Variants in PDCD6IP observed in about 807,000 individuals in gnomAD.
PDCD6IP encodes programmed cell death 6 interacting protein.
PDCD6IP carries 43 observed loss-of-function variants against 103.7 expected under a neutral mutation model. The observed-to-expected ratio is 0.41, with a 90% CI of 0.32 to 0.53. The LOEUF (loss-of-function observed/expected upper bound fraction) is 0.53. PDCD6IP is among the 20% of genes least tolerant of loss of function. PDCD6IP has a pLI of 0.16. For missense variants in PDCD6IP, 871 were observed against 1,036.7 expected (o/e 0.84, Z 2.20); for synonymous variants, 354 against 378.7 (o/e 0.93, Z 0.76).
chr3:33,863,816 G>GT, intron 15 of PDCD6IP, 190 bp from the exon 16 acceptor site: 1 of 557,976 alleles, frequency 1.8e-6, no homozygotes. Context: ...TCTAGTTTTA[G>GT]TTTTTTGAGG....
At chr3:33,818,322 G>C (rs1410341133) in intron 3 of PDCD6IP, among the ~76,000 whole-genome samples, 2 of 150,350 alleles carry the variant, frequency 1.3e-5, no homozygotes, top group Non-Finnish European at 3.0e-5. Context: ...TGGCCAGGCT[G>C]GTCTCGAACT....
intron 15 of PDCD6IP, among the ~76,000 whole-genome samples, chr3:33,861,017 G>A (rs1167045312): frequency 6.6e-6 from 1 of 151,146 alleles, no homozygotes; most frequent in African/African-American, 2.4e-5. Context: ...AAAAAAACAG[G>A]TGAAATTAAT....
chr3:33,853,293 C>G (rs1250211500), intron 13 of PDCD6IP, among the ~76,000 whole-genome samples: 1 of 152,088 alleles, frequency 6.6e-6, no homozygotes, highest in Non-Finnish European at 1.5e-5. Flanking sequence ...AGATATTTTT[C>G]ATGGTTCCAA....
At position 33,800,076 on chromosome 3, in the gene PDCD6IP, C is replaced by T. The variant is rs547761962; in HGVS notation, c.209+1139C>T. ...CGGAGCTTGCAGTGAGCCGAGATCG[C>T]GCCACTGCACTCCAGCCTGGGCGAC... On this transcript the variant is annotated intron_variant, in intron 1 of 17. Transcript: ENST00000307296. Among the ~76,000 whole-genome samples, 58 of 140,768 alleles carry T rather than the reference C, an allele frequency of 4.1e-4. No individual in the cohort carries two copies. In the Middle Eastern group the frequency reaches 0.012, roughly 29 times the overall value. 92.3% of individuals were successfully genotyped at this position (140,768 alleles called of 152,430 possible). A position where few individuals can be genotyped will look rare whatever the true frequency, so the allele number is the denominator to read the frequency against.
chr3:33,824,085 CTT>C (rs1697056345), intron 4 of PDCD6IP, among the ~76,000 whole-genome samples: 1 of 152,114 alleles, frequency 6.6e-6, no homozygotes, highest in Non-Finnish European at 1.5e-5. Context: ...GACTCAGACA[CTT>C]TGCTGTTGTA....
chr3:33,813,749 C>G (rs1019442681), intron 3 of PDCD6IP, 121 bp downstream of exon 3: 5 of 638,892 alleles, frequency 7.8e-6, no homozygotes, highest in Non-Finnish European at 1.4e-5. Context: ...ACATTTCATT[C>G]TCTTTTTAGC....
intron 2 of PDCD6IP, 103 bp downstream of exon 2, chr3:33,812,229 A>T: frequency 7.0e-7 from 1 of 1,434,330 alleles, no homozygotes; most frequent in Non-Finnish European, 9.2e-7. Context: ...TGTTATAAAA[A>T]TAGGAGCTTT....
At chr3:33,829,484 C>T (rs199511880) in intron 7 of PDCD6IP, among the ~76,000 whole-genome samples, 1 of 149,956 alleles carries the variant, frequency 6.7e-6, no homozygotes, top group Non-Finnish European at 1.5e-5. Context: ...GATGTGTGTG[C>T]ATATATATAT....
At chr3:33,863,558 C>T (rs1697999350) in intron 15 of PDCD6IP, among the ~76,000 whole-genome samples, 1 of 152,146 alleles carries the variant, frequency 6.6e-6, no homozygotes, top group African/African-American at 2.4e-5. Context: ...TCATGATGGC[C>T]TCCAGTTCCA....
At position 33,802,575 on chromosome 3, in the gene PDCD6IP, C is replaced by T. The variant is rs546732084; in HGVS notation, c.209+3638C>T. Among the ~76,000 whole-genome samples, 292 of 151,832 alleles carry T rather than the reference C, an allele frequency of 1.9e-3. 1 individual carries two copies. Among genetic ancestry groups the T allele is most frequent in the Non-Finnish European group, 3.4e-3 (232 of 67,922 alleles). On this transcript the variant is annotated intron_variant, in intron 1 of 17. Transcript: ENST00000307296. ...CATGATCTCGGCTCACCACAACCTC[C>T]GCCTCTCGGGTTCAAACGATTCTCC...
At chr3:33,865,970 A>G (rs1283036376) in intron 17 of PDCD6IP, among the ~76,000 whole-genome samples, 2 of 152,202 alleles carry the variant, frequency 1.3e-5, no homozygotes, top group Non-Finnish European at 2.9e-5. Flanking sequence ...TTAGAACTTT[A>G]TAAGTTGTAA....
At chr3:33,846,968 G>T (rs749778286) in intron 12 of PDCD6IP, among the ~76,000 whole-genome samples, 16 of 152,170 alleles carry the variant, frequency 1.1e-4, no homozygotes, top group Admixed American at 7.9e-4. Context: ...AATGTGCATT[G>T]AACCTGGATC....
In PDCD6IP at chr3:33,826,809, C is replaced by T. The variant is rs150347086; in HGVS notation, c.717+229C>T. ...TTACCTTTTACTAAACTTGTTTTTC[C>T]AAGCTAGAACTCTTTCTGGAAAATG... On this transcript the variant is annotated intron_variant, in intron 6 of 17. Coordinates refer to ENST00000307296, the MANE Select transcript of PDCD6IP (RefSeq NM_013374.6). The T allele has an allele frequency of 3.1e-4, 398 of 1,280,724 alleles. 1 individual carries two copies. In the African/African-American group the frequency reaches 5.7e-3, roughly 18 times the overall value. The allele number at this position is 1,280,724 out of a possible 1,614,324, so 79.3% of individuals were successfully genotyped here.
Position 33,866,537 on chromosome 3 carries a change from A to T in PDCD6IP, c.*12A>T. On this transcript the variant is annotated 3_prime_UTR_variant, in exon 18 of 18. Transcript: ENST00000307296. ...ATCCACAGCAGTAATATGTCTGCTC[A>T]GCAGCTCAGCTGATTCAGATCAGAG... 1.9e-6 allele frequency: 3 copies of T among 1,583,018 alleles called. No individual in the cohort carries two copies. Among genetic ancestry groups the T allele is most frequent in the Non-Finnish European group, 1.7e-6 (2 of 1,167,630 alleles).
At chr3:33,830,002 G>A (rs1697212580) in intron 7 of PDCD6IP, among the ~76,000 whole-genome samples, 4 of 152,128 alleles carry the variant, frequency 2.6e-5, no homozygotes, top group South Asian at 4.1e-4. Flanking sequence ...CCATGATAAT[G>A]ACATTAATCT....
intron 7 of PDCD6IP, chr3:33,835,453 A>G (rs1050921531): frequency 2.6e-6 from 1 of 381,926 alleles, no homozygotes. Flanking sequence ...ACAGTGGCGC[A>G]AGCCTGTAAT....
At position 33,825,170 on chromosome 3, in the gene PDCD6IP, CT is replaced by C. The variant is rs869078999; in HGVS notation, c.463-12del. 4 of 1,599,158 alleles carry C rather than the reference CT, an allele frequency of 2.5e-6. No individual in the cohort carries two copies. The highest frequency in any genetic ancestry group is 2.3e-5 in the South Asian group (2 of 87,356). ...CTTGCTGAGTTCCTATAAAGAAATTCTTTTTCCCCCCTTTAGTTTGCTAGTG... is the reference window on the plus strand; with the variant it reads ...CTTGCTGAGTTCCTATAAAGAAATTCTTTTCCCCCCTTTAGTTTGCTAGTG... On this transcript the variant is annotated splice_polypyrimidine_tract_variant and intron_variant, in intron 4 of 17. Coordinates refer to ENST00000307296, the MANE Select transcript of PDCD6IP (RefSeq NM_013374.6).
Position 33,813,636 on chromosome 3 carries a change from AT to A in PDCD6IP, c.334+13del. The A allele has an allele frequency of 1.3e-6, 2 of 1,527,274 alleles. No individual in the cohort carries two copies. Among genetic ancestry groups the A allele is most frequent in the Non-Finnish European group, 1.8e-6 (2 of 1,104,004 alleles). 94.6% of individuals were successfully genotyped at this position (1,527,274 alleles called of 1,614,324 possible). A position where few individuals can be genotyped will look rare whatever the true frequency, so the allele number is the denominator to read the frequency against. ...GAGGCTCTGTAAAACTGGGTATGTAATTTTTAATAAAAGTGATAGGAAAATT... is the reference window on the plus strand; with the variant it reads ...GAGGCTCTGTAAAACTGGGTATGTAATTTTAATAAAAGTGATAGGAAAATT... On this transcript the variant is annotated intron_variant, in intron 3 of 17. Coordinates refer to ENST00000307296, the MANE Select transcript of PDCD6IP (RefSeq NM_013374.6).
intron 1 of PDCD6IP, among the ~76,000 whole-genome samples, chr3:33,803,231 C>G (rs1184192997): frequency 2.0e-5 from 3 of 152,204 alleles, no homozygotes; most frequent in African/African-American, 7.2e-5. Context: ...CAGCTCTCCA[C>G]AGTGCTTGTA....
Sources: allele counts gnomAD v4.1 joint callset (sites outside exome capture counted in the v4.1 genomes callset), GRCh38; gene constraint gnomAD v4.1.1; transcripts MANE v1.5; gene names NCBI Gene and HGNC (gene_info 2026-07-23, HGNC 2026-07-21).